Variants in NEDD4L observed in about 807,000 individuals in gnomAD.
NEDD4L encodes the protein NEDD4 like E3 ubiquitin protein ligase.
Under a neutral mutation model 148.9 loss-of-function variants are expected in NEDD4L, and 54 were observed. That is an observed-to-expected ratio of 0.36 (90% CI 0.29 to 0.45). NEDD4L has a LOEUF of 0.45. Among genes scored for constraint, NEDD4L ranks in the 20% least tolerant of loss-of-function variants. NEDD4L has a pLI of 1.00. For missense variants in NEDD4L, 856 were observed against 1,233.8 expected (o/e 0.69, Z 4.59); for synonymous variants, 433 against 440.7 (o/e 0.98, Z 0.22).
intron 5 of NEDD4L, among the ~76,000 whole-genome samples, chr18:58,267,499 C>T (rs901867047): frequency 2.0e-5 from 3 of 151,982 alleles, no homozygotes; most frequent in South Asian, 4.2e-4. Flanking sequence ...AAGTGCATGT[C>T]GCCTTAGTAT....
chr18:58,370,387 C>A lies in NEDD4L; in HGVS notation c.2186-10C>A. The stretch of plus-strand genomic sequence containing the variant: ...ACCTGAAACTAAACCCAGTGTTTAC[C>A]GTGTTTTAGGTTTCTTCATTAGACC... On this transcript the variant is annotated splice_polypyrimidine_tract_variant and intron_variant, in intron 22 of 30. Transcript: ENST00000400345. 6.3e-7 allele frequency: 1 copy of A among 1,576,882 alleles called. No individual in the cohort carries two copies. Among genetic ancestry groups the A allele is most frequent in the Non-Finnish European group, 8.7e-7 (1 of 1,146,088 alleles).
At chr18:58,064,132 C>G (rs148894707) in intron 1 of NEDD4L, among the ~76,000 whole-genome samples, 2,270 of 151,152 alleles carry the variant, frequency 0.015, 53 homozygotes, top group African/African-American at 0.052. Context: ...GCCCGGCTAA[C>G]TTTTTATATT....
chr18:58,345,149 C>T (rs937267020), intron 16 of NEDD4L, among the ~76,000 whole-genome samples: 2 of 152,320 alleles, frequency 1.3e-5, no homozygotes, highest in East Asian at 1.9e-4. Flanking sequence ...GTTAGAACAA[C>T]GTTTTGTTGC....
chr18:58,359,974 A>G (rs2145901160), intron 19 of NEDD4L: 1 of 152,322 alleles, frequency 6.6e-6, no homozygotes, highest in South Asian at 2.1e-4. Context: ...TCAGCTGATG[A>G]TAGAAATCTT....
intron 5 of NEDD4L, among the ~76,000 whole-genome samples, chr18:58,285,925 A>G (rs1832780224): frequency 6.6e-6 from 1 of 152,262 alleles, no homozygotes; most frequent in South Asian, 2.1e-4. Context: ...TGAATAGAAC[A>G]TTATGTTCTA....
rs927783528 is a variant in NEDD4L, at chr18:58,084,159, A to C, written c.48+39451A>C. Among the ~76,000 whole-genome samples, 3 of 152,244 alleles carry C rather than the reference A, an allele frequency of 2.0e-5. No homozygotes were observed. The East Asian group carries it at 5.8e-4, about 29-fold the overall frequency. ...AAAAGACCACATATTGTGTGATTCC[A>C]CATATTCCACATATTGTGTGATTAT... On this transcript the variant is annotated intron_variant, in intron 1 of 30. Coordinates refer to ENST00000400345, the MANE Select transcript of NEDD4L (RefSeq NM_001144967.3).
chr18:58,319,837 A>G (rs17064780), intron 6 of NEDD4L, among the ~76,000 whole-genome samples: 29,310 of 152,144 alleles, frequency 0.19, 2,999 homozygotes, highest in African/African-American at 0.2. Flanking sequence ...GAATTGGCCA[A>G]TGAACATGGC....
At chr18:58,149,650 T>C (rs933015899) in intron 1 of NEDD4L, 4 of 820,004 alleles carry the variant, frequency 4.9e-6, no homozygotes, top group African/African-American at 1.7e-5. Flanking sequence ...ATAGTCATGA[T>C]TGTGTTATAT....
intron 25 of NEDD4L, among the ~76,000 whole-genome samples, chr18:58,384,970 C>G (rs906727801): frequency 3.3e-5 from 5 of 152,186 alleles, no homozygotes; most frequent in African/African-American, 1.2e-4. Flanking sequence ...TACCATTCAT[C>G]CTCTAAATTT....
At chr18:58,199,426 A>C (rs542113600) in intron 2 of NEDD4L, among the ~76,000 whole-genome samples, 1 of 152,094 alleles carries the variant, frequency 6.6e-6, no homozygotes, top group South Asian at 2.1e-4. Context: ...CACTTTCTAC[A>C]TTGCACAGGA....
intron 5 of NEDD4L, among the ~76,000 whole-genome samples, chr18:58,275,832 G>C (rs2051841399): frequency 6.6e-6 from 1 of 152,182 alleles, no homozygotes; most frequent in South Asian, 2.1e-4. Flanking sequence ...CTGCACCCTG[G>C]CTGCACATGA....
At chr18:58,208,255 T>A (rs770700472) in intron 2 of NEDD4L, among the ~76,000 whole-genome samples, 1 of 152,210 alleles carries the variant, frequency 6.6e-6, no homozygotes, top group African/African-American at 2.4e-5. Context: ...TGGTTCTAGT[T>A]CTTACAAGGG....
chr18:58,068,965 C>T (rs185439238), intron 1 of NEDD4L, among the ~76,000 whole-genome samples: 22 of 152,048 alleles, frequency 1.4e-4, no homozygotes, highest in East Asian at 3.9e-4. Flanking sequence ...GGCAAAACCC[C>T]GTCTCTACTA....
intron 5 of NEDD4L, among the ~76,000 whole-genome samples, chr18:58,297,858 G>C (rs1231247221): frequency 6.6e-5 from 10 of 152,134 alleles, no homozygotes; most frequent in Admixed American, 3.9e-4. Flanking sequence ...ATATTTGACT[G>C]TTTCCTATTC....
intron 1 of NEDD4L, among the ~76,000 whole-genome samples, chr18:58,064,909 C>G (rs1038826638): frequency 6.6e-6 from 1 of 152,060 alleles, no homozygotes; most frequent in Non-Finnish European, 1.5e-5. Context: ...GAGACCAGCC[C>G]GGGCAACATA....
intron 17 of NEDD4L, among the ~76,000 whole-genome samples, chr18:58,350,476 A>G (rs577997676): frequency 6.6e-6 from 1 of 152,350 alleles, no homozygotes; most frequent in East Asian, 1.9e-4. Flanking sequence ...GATAGTTCAG[A>G]TAATGAGGGC....
chr18:58,069,375 T>G (rs1260670365), intron 1 of NEDD4L, among the ~76,000 whole-genome samples: 2 of 152,198 alleles, frequency 1.3e-5, no homozygotes, highest in Non-Finnish European at 2.9e-5. Context: ...AGGAACCAAC[T>G]TTCAGATGTT....
chr18:58,096,491 C>T lies in NEDD4L; in HGVS notation c.48+51783C>T, dbSNP rs1397185839. 3.9e-5 allele frequency among the ~76,000 whole-genome samples: 6 copies of T among 152,040 alleles called. No homozygotes were observed. The East Asian group carries it at 5.8e-4, about 15-fold the overall frequency. On this transcript the variant is annotated intron_variant, in intron 1 of 30. Coordinates refer to ENST00000400345, the MANE Select transcript of NEDD4L (RefSeq NM_001144967.3). ...CAGTCTTGGCTCGCTGCAACCTGCA[C>T]CTCCCAGATTCAAGCAATTCTCCTG...
At chr18:58,160,653 G>C (rs60719847) in intron 1 of NEDD4L, among the ~76,000 whole-genome samples, 5,590 of 152,284 alleles carry the variant, frequency 0.037, 325 homozygotes, top group African/African-American at 0.12. Flanking sequence ...GCTTCAGAAA[G>C]TACAGTGGCT....
Sources: allele counts gnomAD v4.1 joint callset (sites outside exome capture counted in the v4.1 genomes callset), GRCh38; gene constraint gnomAD v4.1.1; transcripts MANE v1.5; gene names NCBI Gene and HGNC (gene_info 2026-07-23, HGNC 2026-07-21).